Variants in GRM8 observed in about 807,000 individuals in gnomAD.
GRM8 encodes the protein glutamate metabotropic receptor 8, also known as metabotropic glutamate receptor 8.
In GRM8, 47 loss-of-function variants were observed where a neutral mutation model predicts 87.2. The observed-to-expected ratio is 0.54, with a 90% CI of 0.43 to 0.69. The LOEUF (loss-of-function observed/expected upper bound fraction) is 0.69. Among genes scored for constraint, GRM8 ranks in the 30% least tolerant of loss-of-function variants. The probability of loss-of-function intolerance (pLI) is 0.00; values close to 1 mark genes in which losing one functional copy is unlikely to be tolerated. For missense variants in GRM8, 1,019 were observed against 1,139.2 expected, an observed-to-expected ratio of 0.89 and a Z score of 1.52; for synonymous variants, 396 against 404.5, an observed-to-expected ratio of 0.98 and a Z score of 0.25.
intron 7 of GRM8, among the ~76,000 whole-genome samples, chr7:126,758,635 T>TAATG (rs1817268421): frequency 6.6e-6 from 1 of 152,198 alleles, no homozygotes; most frequent in Non-Finnish European, 1.5e-5. Context: ...AATAGACATT[T>TAATG]AATGAATGTT....
chr7:127,128,346 T>C (rs2133212028), intron 2 of GRM8, among the ~76,000 whole-genome samples: 1 of 152,228 alleles, frequency 6.6e-6, no homozygotes. Flanking sequence ...GTTTTGAGGA[T>C]CATACTACTC....
chr7:127,185,514 TC>T, intron 2 of GRM8, among the ~76,000 whole-genome samples: 1 of 152,260 alleles, frequency 6.6e-6, no homozygotes, highest in Non-Finnish European at 1.5e-5. Context: ...GTATAAAATT[TC>T]TAGAAGAAAA....
chr7:126,926,818 T>A (rs534736733), intron 3 of GRM8, among the ~76,000 whole-genome samples: 16 of 152,290 alleles, frequency 1.1e-4, no homozygotes, highest in African/African-American at 3.8e-4. Context: ...CTTCCCAACT[T>A]CTTGTCTTCC....
chr7:126,545,368 A>T (rs1008854404), intron 8 of GRM8, among the ~76,000 whole-genome samples: 1 of 152,222 alleles, frequency 6.6e-6, no homozygotes, highest in East Asian at 1.9e-4. Flanking sequence ...ATTTTAACTT[A>T]TGATAATTCT....
At chr7:127,007,460 T>A (rs928293330) in intron 3 of GRM8, among the ~76,000 whole-genome samples, 1 of 152,082 alleles carries the variant, frequency 6.6e-6, no homozygotes, top group Non-Finnish European at 1.5e-5. Flanking sequence ...ATTCTTCCCA[T>A]CACTCTGCTT....
chr7:127,197,665 A>T (rs971867036), intron 2 of GRM8, among the ~76,000 whole-genome samples: 4 of 152,150 alleles, frequency 2.6e-5, no homozygotes, highest in Non-Finnish European at 5.9e-5. Flanking sequence ...ATATAAAGGT[A>T]AACAAACCAG....
intron 9 of GRM8, among the ~76,000 whole-genome samples, chr7:126,482,468 C>T (rs1460785062): frequency 6.6e-6 from 1 of 151,852 alleles, no homozygotes; most frequent in African/African-American, 2.4e-5. Flanking sequence ...TATTATTCAG[C>T]CTCAAAAAGG....
At chr7:126,677,273 C>G (rs1162749203) in intron 7 of GRM8, among the ~76,000 whole-genome samples, 1 of 150,732 alleles carries the variant, frequency 6.6e-6, no homozygotes, top group African/African-American at 2.4e-5. Context: ...AGTACAGCCT[C>G]TATAGAAAAT....
intron 6 of GRM8, among the ~76,000 whole-genome samples, chr7:126,810,257 T>C (rs549539666): frequency 2.5e-3 from 374 of 152,252 alleles, no homozygotes; most frequent in South Asian, 3.1e-3. Context: ...AGGAAAAACA[T>C]GAACAGGGCT....
At chr7:126,743,445 G>C (rs1451877456) in intron 7 of GRM8, among the ~76,000 whole-genome samples, 1 of 151,938 alleles carries the variant, frequency 6.6e-6, no homozygotes, top group Non-Finnish European at 1.5e-5. Flanking sequence ...TTAGACAAGT[G>C]TCTTAAACTA....
At chr7:126,831,567 G>C (rs1462793852) in intron 6 of GRM8, among the ~76,000 whole-genome samples, 1 of 152,198 alleles carries the variant, frequency 6.6e-6, no homozygotes, top group Non-Finnish European at 1.5e-5. Context: ...TCCAGTATTT[G>C]GGTGGGAGTG....
intron 7 of GRM8, among the ~76,000 whole-genome samples, chr7:126,611,451 T>C (rs1002163594): frequency 5.9e-5 from 9 of 152,220 alleles, no homozygotes; most frequent in African/African-American, 2.2e-4. Context: ...AGAAAGGATG[T>C]TGAAAGTTCT....
intron 7 of GRM8, among the ~76,000 whole-genome samples, chr7:126,669,765 G>C (rs1806187809): frequency 6.6e-6 from 1 of 152,186 alleles, no homozygotes; most frequent in Non-Finnish European, 1.5e-5. Flanking sequence ...ACTCAAAATA[G>C]ATTTACATGC....
intron 2 of GRM8, among the ~76,000 whole-genome samples, chr7:127,214,065 TGA>T (rs1796375059): frequency 6.6e-6 from 1 of 152,222 alleles, no homozygotes; most frequent in African/African-American, 2.4e-5. Flanking sequence ...TTTCATATGT[TGA>T]GAGACAAAGG....
At chr7:126,665,101 A>C (rs1269911549) in intron 7 of GRM8, among the ~76,000 whole-genome samples, 3 of 152,204 alleles carry the variant, frequency 2.0e-5, no homozygotes, top group African/African-American at 7.2e-5. Flanking sequence ...ATTATTTAAA[A>C]GTTAAAAATA....
At chr7:127,029,260 G>A (rs1817118760) in intron 3 of GRM8, among the ~76,000 whole-genome samples, 1 of 152,120 alleles carries the variant, frequency 6.6e-6, no homozygotes, top group Non-Finnish European at 1.5e-5. Context: ...TTCCAATTAT[G>A]TGGTCAATTT....
chr7:127,158,289 C>T (rs1792864382), intron 2 of GRM8, among the ~76,000 whole-genome samples: 2 of 152,096 alleles, frequency 1.3e-5, no homozygotes, highest in African/African-American at 4.8e-5. Context: ...TCAGAACTGT[C>T]CTAATCTGAA....
At chr7:126,619,362 TGG>T (rs1194656377) in intron 7 of GRM8, among the ~76,000 whole-genome samples, 1 of 151,872 alleles carries the variant, frequency 6.6e-6, no homozygotes, top group East Asian at 1.9e-4. Context: ...CATCACACAC[TGG>T]GGCCTGTTGT....
chr7:127,005,284 T>C (rs960379777), intron 3 of GRM8, among the ~76,000 whole-genome samples: 1 of 151,548 alleles, frequency 6.6e-6, no homozygotes. Context: ...GTTGTTCCCA[T>C]TTAAACAACA....
Sources: gnomAD v4.1 joint callset for allele counts (sites outside exome capture counted in the v4.1 genomes callset) on GRCh38, gnomAD v4.1.1 for gene constraint, MANE v1.5 for transcripts, NCBI Gene and HGNC (gene_info 2026-07-23, HGNC 2026-07-21) for gene names.